PLCB1: variants seen among roughly 807,000 people sequenced by gnomAD.
PLCB1 encodes the protein 1-phosphatidylinositol 4,5-bisphosphate phosphodiesterase beta-1.
A neutral mutation model predicts 161.8 loss-of-function variants in PLCB1; 46 were observed. The ratio of observed to expected loss-of-function variants is 0.28; its 90% CI spans 0.22 to 0.36. The LOEUF is 0.36. Among genes scored for constraint, PLCB1 ranks in the 10% least tolerant of loss-of-function variants. PLCB1 has a pLI of 1.00. For missense variants in PLCB1, 1,016 were observed against 1,472.5 expected (o/e 0.69, Z 5.07); for synonymous variants, 517 against 503.7 (o/e 1.03, Z -0.35).
At chr20:8,679,403 T>A (rs1265548378) in intron 9 of PLCB1, among the ~76,000 whole-genome samples, 1 of 152,172 alleles carries the variant, frequency 6.6e-6, no homozygotes, top group African/African-American at 2.4e-5. Flanking sequence ...TTCTTAATTG[T>A]TGCAAGGCCA....
chr20:8,814,458 T>C (rs1399377610), intron 31 of PLCB1, among the ~76,000 whole-genome samples: 1 of 152,194 alleles, frequency 6.6e-6, no homozygotes, highest in Non-Finnish European at 1.5e-5. Context: ...TTAACATCTT[T>C]TCTCTCTTAA....
chr20:8,536,025 T>C (rs1056490252), intron 3 of PLCB1, among the ~76,000 whole-genome samples: 8 of 152,132 alleles, frequency 5.3e-5, no homozygotes, highest in Non-Finnish European at 2.9e-5. Flanking sequence ...TATACAAGTT[T>C]CAGGCACCAC....
intron 3 of PLCB1, among the ~76,000 whole-genome samples, chr20:8,393,903 AGG>A (rs1446159741): frequency 6.6e-6 from 1 of 152,186 alleles, no homozygotes. Context: ...TTTAGAGAAC[AGG>A]TTCTTAGGTG....
intron 31 of PLCB1, among the ~76,000 whole-genome samples, chr20:8,850,712 G>T (rs1986856207): frequency 6.6e-6 from 1 of 152,136 alleles, no homozygotes; most frequent in Admixed American, 6.5e-5. Context: ...CAGCAAAAAG[G>T]TATCATCTTG....
At chr20:8,434,932 C>T (rs1336967650) in intron 3 of PLCB1, among the ~76,000 whole-genome samples, 1 of 152,194 alleles carries the variant, frequency 6.6e-6, no homozygotes, top group African/African-American at 2.4e-5. Flanking sequence ...TTTCACTATA[C>T]CACACAGCCT....
intron 27 of PLCB1, among the ~76,000 whole-genome samples, chr20:8,787,327 T>C (rs998028089): frequency 2.0e-5 from 3 of 152,238 alleles, no homozygotes; most frequent in Non-Finnish European, 4.4e-5. Context: ...TCCACCTCAG[T>C]GTGCATTCCT....
chr20:8,396,581 A>T (rs1486712182), intron 3 of PLCB1, among the ~76,000 whole-genome samples: 2 of 152,106 alleles, frequency 1.3e-5, no homozygotes, highest in African/African-American at 4.8e-5. Flanking sequence ...GTCCAGTTGA[A>T]AAACAAGGTG....
intron 11 of PLCB1, among the ~76,000 whole-genome samples, chr20:8,702,567 G>A (rs1978426627): frequency 6.6e-6 from 1 of 152,114 alleles, no homozygotes. Context: ...ATATAAAATG[G>A]ATATCCAAAT....
chr20:8,409,907 C>T (rs1029762634), intron 3 of PLCB1, among the ~76,000 whole-genome samples: 1 of 151,950 alleles, frequency 6.6e-6, no homozygotes, highest in African/African-American at 2.4e-5. Flanking sequence ...GATGAGGTCC[C>T]CCCATTGAAT....
chr20:8,366,683 G>A (rs1180935554), intron 2 of PLCB1, among the ~76,000 whole-genome samples: 1 of 152,072 alleles, frequency 6.6e-6, no homozygotes, highest in Non-Finnish European at 1.5e-5. Flanking sequence ...ATGCATCAGT[G>A]GATGCATCTG....
chr20:8,189,398 A>G (rs2051941797), intron 2 of PLCB1, among the ~76,000 whole-genome samples: 1 of 151,184 alleles, frequency 6.6e-6, no homozygotes, highest in South Asian at 2.1e-4. Context: ...ATTTTAAAAT[A>G]TGGCCTAAAT....
intron 3 of PLCB1, among the ~76,000 whole-genome samples, chr20:8,451,930 A>C (rs1409234882): frequency 6.6e-6 from 1 of 152,010 alleles, no homozygotes; most frequent in Admixed American, 6.6e-5. Context: ...CATCTAAAAA[A>C]AACCTGTAGT....
chr20:8,857,246 A>G (rs2146308708), intron 31 of PLCB1, among the ~76,000 whole-genome samples: 1 of 152,328 alleles, frequency 6.6e-6, no homozygotes, highest in South Asian at 2.1e-4. Flanking sequence ...TCCTATTGAC[A>G]AAACAAGTCA....
chr20:8,164,729 T>C (rs1240117760), intron 2 of PLCB1, among the ~76,000 whole-genome samples: 1 of 152,202 alleles, frequency 6.6e-6, no homozygotes, highest in Non-Finnish European at 1.5e-5. Flanking sequence ...TGAAAGAAGA[T>C]ATTGGAGTAG....
intron 1 of PLCB1, among the ~76,000 whole-genome samples, chr20:8,145,975 C>T (rs2051448838): frequency 6.6e-6 from 1 of 152,170 alleles, no homozygotes; most frequent in African/African-American, 2.4e-5. Context: ...ACAAGGGAGC[C>T]ACAGCAGCTC....
intron 31 of PLCB1, among the ~76,000 whole-genome samples, chr20:8,874,072 C>T (rs1987695174): frequency 6.6e-6 from 1 of 151,884 alleles, no homozygotes; most frequent in Non-Finnish European, 1.5e-5. Context: ...CAAATGTTCT[C>T]ACCACAAAAA....
intron 8 of PLCB1, 111 bp downstream of exon 8, chr20:8,657,395 C>T: frequency 4.2e-6 from 3 of 719,360 alleles, no homozygotes; most frequent in Admixed American, 1.9e-5. Flanking sequence ...TACACTGTGT[C>T]TAAAAGCAAT....
In PLCB1 at chr20:8,479,110, C is replaced by T. The variant is rs546880749; in HGVS notation, c.246+107660C>T. ...ATTCAAAATAATGTAGAATTATATG[C>T]ACTATAATTTACATATTTGTTTAAT... is the stretch of plus-strand genomic sequence containing the variant. On this transcript the variant is annotated intron_variant, in intron 3 of 31. Coordinates refer to ENST00000338037, the MANE Select transcript of PLCB1 (RefSeq NM_015192.4). 1.6e-4 allele frequency among the ~76,000 whole-genome samples: 24 copies of T among 152,156 alleles called. No homozygotes were observed. The South Asian group carries it at 3.1e-3, about 20-fold the overall frequency.
chr20:8,815,020 A>G (rs1985018150), intron 31 of PLCB1, among the ~76,000 whole-genome samples: 1 of 152,146 alleles, frequency 6.6e-6, no homozygotes, highest in South Asian at 2.1e-4. Context: ...TACAGGTGTA[A>G]TGTCCATTAT....
Sources: gnomAD v4.1 joint callset for allele counts (sites outside exome capture counted in the v4.1 genomes callset) on GRCh38, gnomAD v4.1.1 for gene constraint, MANE v1.5 for transcripts, NCBI Gene and HGNC (gene_info 2026-07-23, HGNC 2026-07-21) for gene names.